Variants in ALDH1L1 observed in about 807,000 individuals in gnomAD.
ALDH1L1 encodes cytosolic 10-formyltetrahydrofolate dehydrogenase.
Under a neutral mutation model 101.1 loss-of-function variants are expected in ALDH1L1, and 68 were observed. That is an observed-to-expected ratio of 0.67 (90% CI 0.55 to 0.82). The LOEUF (loss-of-function observed/expected upper bound fraction) is 0.82. ALDH1L1 is among the 40% of genes least tolerant of loss of function. The pLI is 0.00. For missense variants in ALDH1L1, 1,087 were observed against 1,172.7 expected, an observed-to-expected ratio of 0.93 and a Z score of 1.07; for synonymous variants, 486 against 470.8, an observed-to-expected ratio of 1.03 and a Z score of -0.42.
chr3:126,128,120 C>T (rs2080225224), intron 14 of ALDH1L1, among the ~76,000 whole-genome samples: 2 of 152,108 alleles, frequency 1.3e-5, no homozygotes, highest in African/African-American at 2.4e-5. Context: ...ATTGCATGGC[C>T]AAGCGAGAAG....
intron 17 of ALDH1L1, 38 bp downstream of exon 17, chr3:126,117,967 A>C: frequency 6.4e-7 from 1 of 1,566,200 alleles, no homozygotes; most frequent in South Asian, 1.1e-5. Context: ...GGCGCAGCCC[A>C]CAGCAGCCCC....
At chr3:126,180,928 G>T (rs776169510), upstream of ALDH1L1, 7 of 1,609,128 alleles carry the variant, frequency 4.4e-6, no homozygotes, top group South Asian at 6.7e-5. Context: ...TCACTCACTC[G>T]CTCACCCTCT....
chr3:126,109,355 C>T (rs1945998535), intron 20 of ALDH1L1, among the ~76,000 whole-genome samples: 1 of 152,164 alleles, frequency 6.6e-6, no homozygotes, highest in African/African-American at 2.4e-5. Context: ...CTGGGCTCAA[C>T]TATAGCTGGG....
At chr3:126,170,132 TACTC>T (rs1463978503) in intron 1 of ALDH1L1, among the ~76,000 whole-genome samples, 4 of 152,296 alleles carry the variant, frequency 2.6e-5, no homozygotes, top group South Asian at 2.1e-4. Flanking sequence ...TTGCTCATCT[TACTC>T]AGTCTCAACC....
intron 1 of ALDH1L1, among the ~76,000 whole-genome samples, chr3:126,171,208 A>G: frequency 6.6e-6 from 1 of 152,150 alleles, no homozygotes; most frequent in Non-Finnish European, 1.5e-5. Context: ...TGAGGCAGGA[A>G]AATCGCTTGA....
intron 7 of ALDH1L1, chr3:126,151,224 T>A (rs1340283811): frequency 6.6e-6 from 1 of 152,158 alleles, no homozygotes; most frequent in Non-Finnish European, 1.5e-5. Flanking sequence ...AAACTAATCT[T>A]GCAATCACCC....
intron 1 of ALDH1L1, among the ~76,000 whole-genome samples, chr3:126,192,415 T>G (rs2081558193): frequency 6.6e-6 from 1 of 152,222 alleles, no homozygotes; most frequent in Admixed American, 6.5e-5. Context: ...ACCCTTCCTA[T>G]ATCAGTAAAG....
chr3:126,108,470 C>T (rs1251887797), intron 20 of ALDH1L1, among the ~76,000 whole-genome samples: 1 of 152,250 alleles, frequency 6.6e-6, no homozygotes, highest in Non-Finnish European at 1.5e-5. Flanking sequence ...CTGTCTTCCA[C>T]CAATCCTGAA....
chr3:126,107,685 G>A (rs1945930246), intron 20 of ALDH1L1, among the ~76,000 whole-genome samples: 1 of 152,176 alleles, frequency 6.6e-6, no homozygotes, highest in Admixed American at 6.5e-5. Flanking sequence ...GGAGGTGAGA[G>A]GGGAGGAGCT....
At chr3:126,167,738 G>A (rs375069646) in intron 1 of ALDH1L1, among the ~76,000 whole-genome samples, 39 of 152,042 alleles carry the variant, frequency 2.6e-4, no homozygotes, top group Admixed American at 7.2e-4. Context: ...TTCACATGTC[G>A]GTATCATAAA....
At chr3:126,186,747 G>A (rs1158222897) in intron 1 of ALDH1L1, among the ~76,000 whole-genome samples, 1 of 152,208 alleles carries the variant, frequency 6.6e-6, no homozygotes, top group Admixed American at 6.5e-5. Flanking sequence ...CCAAGCACCA[G>A]GCCCCGTGAA....
intron 1 of ALDH1L1, among the ~76,000 whole-genome samples, chr3:126,190,939 G>C (rs763612668): frequency 6.6e-6 from 1 of 152,228 alleles, no homozygotes; most frequent in Non-Finnish European, 1.5e-5. Context: ...AGGTTAGGCT[G>C]ATTTAAATTG....
chr3:126,152,571 GTA>G (rs1271683264), intron 7 of ALDH1L1: 1 of 152,510 alleles, frequency 6.6e-6, no homozygotes, highest in African/African-American at 2.4e-5. Flanking sequence ...CCTCACTCTG[GTA>G]GGCCGGACAC....
At chr3:126,128,473 G>A (rs1210991617) in intron 14 of ALDH1L1, 1 of 152,310 alleles carries the variant, frequency 6.6e-6, no homozygotes, top group African/African-American at 2.4e-5. Flanking sequence ...GAAAGGGGAG[G>A]AGCTGGGATT....
intron 19 of ALDH1L1, 145 bp from the exon 20 acceptor site, chr3:126,110,254 A>C: frequency 9.4e-7 from 1 of 1,066,954 alleles, no homozygotes; most frequent in Non-Finnish European, 1.3e-6. Flanking sequence ...TCTGACTCTA[A>C]ATCCACCTTC....
intron 1 of ALDH1L1, among the ~76,000 whole-genome samples, chr3:126,196,209 T>C (rs935589489): frequency 3.3e-5 from 5 of 152,132 alleles, no homozygotes; most frequent in African/African-American, 1.2e-4. Context: ...CAGGAAAGCA[T>C]GCAGTTTCTA....
rs2080594485 is a variant in ALDH1L1, at chr3:126,142,902, T to C, written c.1076+3933A>G. Reference sequence around the variant, plus strand: ...CCCAGTGAGTGCCTGAAACCACATATAGGGCTGAACCTTACACTGTGCTCC... The same window carrying C: ...CCCAGTGAGTGCCTGAAACCACATACAGGGCTGAACCTTACACTGTGCTCC... On this transcript the variant is annotated intron_variant, in intron 9 of 22. Coordinates refer to ENST00000393434, the MANE Select transcript of ALDH1L1 (RefSeq NM_012190.4). 2.0e-5 allele frequency among the ~76,000 whole-genome samples: 3 copies of C among 152,346 alleles called. 1 individual carries two copies. The South Asian group carries it at 6.2e-4, about 32-fold the overall frequency.
chr3:126,122,799 A>C (rs1478388318), intron 16 of ALDH1L1, among the ~76,000 whole-genome samples: 2 of 152,226 alleles, frequency 1.3e-5, no homozygotes, highest in South Asian at 4.1e-4. Context: ...ACCACTAAGA[A>C]AATAACTAAA....
Position 126,137,893 on chromosome 3 carries a change from A to G in ALDH1L1, c.1144T>C (p.Ser382Pro), listed in dbSNP as rs746031229. 1 of 1,614,198 alleles carries G rather than the reference A, an allele frequency of 6.2e-7. No homozygotes were observed. The highest frequency in any genetic ancestry group is 1.1e-5 in the South Asian group (1 of 91,076). The change falls in exon 10 of 23, where the codon TCC becomes CCC. Residue 382 changes from serine to proline, a missense_variant. Ser to Pro is a moderately conservative substitution (Grantham distance 74, BLOSUM62 -1). This residue lies in a region of ALDH1L1 where 645 missense variants were observed against 637.0 expected (regional missense o/e 1.01). Coordinates refer to ENST00000393434, the MANE Select transcript of ALDH1L1 (RefSeq NM_012190.4). ...AGCTGGATGAAGTCCCCAAAGGTGG[A>G]TGCCATGTACACATCTTCATTTTCT... ...ELENEDVYMA[S>P]TFGDFIQLLV... is the part of the protein sequence containing the mutation.
Sources: allele counts gnomAD v4.1 joint callset (sites outside exome capture counted in the v4.1 genomes callset), GRCh38; gene constraint gnomAD v4.1.1; regional missense constraint gnomAD v4.1.1; transcripts MANE v1.5; gene names NCBI Gene and HGNC (gene_info 2026-07-23, HGNC 2026-07-21).